The following AKT3 variants were observed in gnomAD, a reference collection of about 807,000 sequenced individuals.
The protein encoded by AKT3 is RAC-gamma serine/threonine-protein kinase.
Under a neutral mutation model 65.3 loss-of-function variants are expected in AKT3, and 15 were observed. That is an observed-to-expected ratio of 0.23 (90% CI 0.15 to 0.35). The LOEUF is 0.35. AKT3 is among the 10% of genes least tolerant of loss of function. The pLI is 1.00. For synonymous variants in AKT3, 206 were observed against 183.8 expected, an observed-to-expected ratio of 1.12 and a Z score of -0.98; for missense variants, 243 against 576.5, an observed-to-expected ratio of 0.42 and a Z score of 5.92.
intron 2 of AKT3, among the ~76,000 whole-genome samples, chr1:243,715,301 G>A (rs952813654): frequency 2.0e-5 from 3 of 152,028 alleles, no homozygotes; most frequent in African/African-American, 4.8e-5. Context: ...CCCACTACTA[G>A]TATAGTGGCT....
At chr1:243,701,699 G>C (rs937263480) in intron 2 of AKT3, among the ~76,000 whole-genome samples, 1 of 140,600 alleles carries the variant, frequency 7.1e-6, no homozygotes, top group Non-Finnish European at 1.5e-5. Flanking sequence ...ATTATCAAGA[G>C]TTGCATAACA....
At chr1:243,751,947 C>G (rs1688834436) in intron 2 of AKT3, among the ~76,000 whole-genome samples, 1 of 152,242 alleles carries the variant, frequency 6.6e-6, no homozygotes, top group East Asian at 1.9e-4. Context: ...TTATACCCCA[C>G]TCAACCAAAA....
At chr1:243,647,617 C>T (rs558793159) in intron 4 of AKT3, among the ~76,000 whole-genome samples, 2 of 152,246 alleles carry the variant, frequency 1.3e-5, no homozygotes, top group African/African-American at 4.8e-5. Context: ...TTGTATACTG[C>T]AACTTTATTA....
At chr1:243,716,653 C>T (rs1177751684) in intron 2 of AKT3, among the ~76,000 whole-genome samples, 1 of 152,096 alleles carries the variant, frequency 6.6e-6, no homozygotes, top group East Asian at 1.9e-4. Flanking sequence ...AATGAGAATA[C>T]CTAACATAGA....
intron 12 of AKT3, among the ~76,000 whole-genome samples, chr1:243,526,398 G>A (rs1305950464): frequency 1.3e-5 from 2 of 152,150 alleles, no homozygotes; most frequent in Non-Finnish European, 2.9e-5. Context: ...AGGTGGAGCT[G>A]ATGCAGGCCT....
chr1:243,845,775 C>A (rs1223589989), intron 1 of AKT3, among the ~76,000 whole-genome samples: 1 of 151,830 alleles, frequency 6.6e-6, no homozygotes, highest in Non-Finnish European at 1.5e-5. Flanking sequence ...ATCAGCTTGA[C>A]AGAATTTACC....
intron 2 of AKT3, among the ~76,000 whole-genome samples, chr1:243,710,520 C>T (rs1395676803): frequency 6.6e-6 from 1 of 152,108 alleles, no homozygotes; most frequent in Non-Finnish European, 1.5e-5. Flanking sequence ...TCACTATACC[C>T]CGTCCTATGA....
chr1:243,489,160 G>A lies in AKT3; in HGVS notation c.*7-710C>T, dbSNP rs1174595326. ...ACCCAGGTACTGTGCAGAACGCGGC[G>A]CAGGTGGGAGTCCTTGGGCGGGCGT... On this transcript the variant is annotated intron_variant, in intron 13 of 13. Coordinates refer to the AKT3 transcript ENST00000336199. 1.2e-6 allele frequency: 2 copies of A among 1,610,156 alleles called. No individual in the cohort carries two copies. The highest frequency in any genetic ancestry group is 2.2e-5 in the South Asian group (2 of 90,728).
chr1:243,784,971 C>T (rs1286505023), intron 2 of AKT3, among the ~76,000 whole-genome samples: 1 of 152,064 alleles, frequency 6.6e-6, no homozygotes, highest in Non-Finnish European at 1.5e-5. Flanking sequence ...ACGATATTGC[C>T]CAGGCTGGAT....
chr1:243,826,524 T>C (rs372746954), intron 2 of AKT3, among the ~76,000 whole-genome samples: 14 of 152,276 alleles, frequency 9.2e-5, no homozygotes, highest in African/African-American at 2.9e-4. Flanking sequence ...GCATTCCTAA[T>C]ATAAGGGACA....
chr1:243,517,699 G>A (rs1056015048), intron 12 of AKT3, among the ~76,000 whole-genome samples: 1 of 152,154 alleles, frequency 6.6e-6, no homozygotes, highest in African/African-American at 2.4e-5. Flanking sequence ...TACATTTAAA[G>A]TTGGTTTCTT....
At chr1:243,800,706 G>C (rs1692330067) in intron 2 of AKT3, among the ~76,000 whole-genome samples, 3 of 151,032 alleles carry the variant, frequency 2.0e-5, no homozygotes, top group Admixed American at 2.0e-4. Flanking sequence ...GACAGAGTGA[G>C]ACTCAGTCTC....
intron 2 of AKT3, among the ~76,000 whole-genome samples, chr1:243,792,664 A>G (rs1019379383): frequency 6.6e-6 from 1 of 152,178 alleles, no homozygotes; most frequent in Non-Finnish European, 1.5e-5. Flanking sequence ...GAGCCAAGGT[A>G]AAATCCATGA....
chr1:243,645,866 T>C (rs751231495), intron 5 of AKT3, 27 bp downstream of exon 5: 2 of 1,577,768 alleles, frequency 1.3e-6, no homozygotes, highest in Admixed American at 3.6e-5. Context: ...ATGAATGCTG[T>C]GCTGGGAATA....
chr1:243,738,818 C>T (rs1210238863), intron 2 of AKT3, among the ~76,000 whole-genome samples: 1 of 152,102 alleles, frequency 6.6e-6, no homozygotes, highest in African/African-American at 2.4e-5. Flanking sequence ...TGCTAAAATC[C>T]AATGGTAGAA....
chr1:243,761,505 T>G (rs1411693413), intron 2 of AKT3, among the ~76,000 whole-genome samples: 1 of 152,110 alleles, frequency 6.6e-6, no homozygotes, highest in Non-Finnish European at 1.5e-5. Context: ...GATAAATGGA[T>G]AAACAATATG....
intron 10 of AKT3, among the ~76,000 whole-genome samples, chr1:243,554,741 A>G (rs910046277): frequency 6.6e-6 from 1 of 152,058 alleles, no homozygotes; most frequent in Non-Finnish European, 1.5e-5. Context: ...CCAACACAAC[A>G]GTGGCATATA....
chr1:243,645,160 C>A (rs563947531), intron 5 of AKT3, among the ~76,000 whole-genome samples: 1 of 152,174 alleles, frequency 6.6e-6, no homozygotes, highest in South Asian at 2.1e-4. Context: ...TGGATAATAC[C>A]TTGAAAATTT....
At chr1:243,657,085 C>A (rs1681860655) in intron 4 of AKT3, among the ~76,000 whole-genome samples, 1 of 151,968 alleles carries the variant, frequency 6.6e-6, no homozygotes, top group African/African-American at 2.4e-5. Flanking sequence ...GTTACTTAAC[C>A]CCAAAGGTGA....
Sources: gnomAD v4.1 joint callset for allele counts (sites outside exome capture counted in the v4.1 genomes callset) on GRCh38, gnomAD v4.1.1 for gene constraint, MANE v1.5 for transcripts, NCBI Gene and HGNC (gene_info 2026-07-23, HGNC 2026-07-21) for gene names.